The following EBF1 variants were observed in gnomAD, a reference collection of about 807,000 sequenced individuals.
EBF1 encodes the protein EBF transcription factor 1.
EBF1 carries 10 observed loss-of-function variants against 68.4 expected under a neutral mutation model. That is an observed-to-expected ratio of 0.15 (90% CI 0.09 to 0.25). EBF1 has a LOEUF of 0.25. Among genes scored for constraint, EBF1 ranks in the 10% least tolerant of loss-of-function variants. EBF1 has a pLI of 1.00. For missense variants in EBF1, 509 were observed against 794.4 expected, an observed-to-expected ratio of 0.64 and a Z score of 4.32; for synonymous variants, 298 against 299.8, an observed-to-expected ratio of 0.99 and a Z score of 0.06.
intron 6 of EBF1, among the ~76,000 whole-genome samples, chr5:159,012,421 A>G (rs1270031411): frequency 6.6e-6 from 1 of 152,148 alleles, no homozygotes; most frequent in Non-Finnish European, 1.5e-5. Flanking sequence ...ATTCCACTCC[A>G]AAATTCATAT....
At chr5:158,996,287 C>T (rs1761397859) in intron 6 of EBF1, among the ~76,000 whole-genome samples, 1 of 152,166 alleles carries the variant, frequency 6.6e-6, no homozygotes, top group Admixed American at 6.5e-5. Flanking sequence ...TTATAAATAA[C>T]TTGTAAGCAT....
intron 6 of EBF1, among the ~76,000 whole-genome samples, chr5:158,997,760 G>C (rs901796673): frequency 6.6e-6 from 1 of 152,150 alleles, no homozygotes; most frequent in Non-Finnish European, 1.5e-5. Context: ...AAAGGAAGAA[G>C]TCCAAGCCTC....
At chr5:158,736,667 G>C (rs896062299) in intron 10 of EBF1, among the ~76,000 whole-genome samples, 3 of 152,142 alleles carry the variant, frequency 2.0e-5, no homozygotes, top group Non-Finnish European at 4.4e-5. Context: ...TGAACTAAAG[G>C]AGTAACAGCA....
chr5:159,086,448 G>A (rs949719665), intron 4 of EBF1, among the ~76,000 whole-genome samples: 4 of 152,036 alleles, frequency 2.6e-5, no homozygotes, highest in Non-Finnish European at 5.9e-5. Context: ...CAGTTATCAC[G>A]TCTCCTTTAA....
intron 10 of EBF1, among the ~76,000 whole-genome samples, chr5:158,762,111 A>G (rs1771601681): frequency 6.6e-6 from 1 of 152,190 alleles, no homozygotes; most frequent in African/African-American, 2.4e-5. Flanking sequence ...CCCCATTTAC[A>G]TACATATTAT....
chr5:159,084,118 A>G (rs1318716070), intron 5 of EBF1, among the ~76,000 whole-genome samples: 1 of 152,136 alleles, frequency 6.6e-6, no homozygotes, highest in Non-Finnish European at 1.5e-5. Flanking sequence ...AGTATTGGCT[A>G]CATTGTCAGA....
chr5:159,041,901 C>T (rs987978715), intron 6 of EBF1, among the ~76,000 whole-genome samples: 15 of 152,098 alleles, frequency 9.9e-5, no homozygotes, highest in Admixed American at 2.6e-4. Flanking sequence ...AAGGCCATGA[C>T]GAGATTTAAC....
intron 4 of EBF1, among the ~76,000 whole-genome samples, chr5:159,093,622 AT>A (rs1458427466): frequency 6.6e-6 from 1 of 152,092 alleles, no homozygotes; most frequent in Non-Finnish European, 1.5e-5. Flanking sequence ...GTAAAATGAT[AT>A]TTGATGTATT....
At chr5:159,039,535 T>C (rs1442708786) in intron 6 of EBF1, among the ~76,000 whole-genome samples, 1 of 152,240 alleles carries the variant, frequency 6.6e-6, no homozygotes, top group South Asian at 2.1e-4. Flanking sequence ...AAATATTACA[T>C]TATACTTTAT....
At chr5:159,075,020 C>G (rs1450114528) in intron 5 of EBF1, among the ~76,000 whole-genome samples, 4 of 152,110 alleles carry the variant, frequency 2.6e-5, no homozygotes, top group East Asian at 1.9e-4. Context: ...ACTCTGATCC[C>G]CTATACCTAC....
intron 6 of EBF1, among the ~76,000 whole-genome samples, chr5:158,925,447 T>A (rs955577678): frequency 6.6e-6 from 1 of 152,252 alleles, no homozygotes. Context: ...GCCTCCCTTG[T>A]GGCCATGTGA....
At chr5:159,042,401 T>C (rs1771386880) in intron 6 of EBF1, among the ~76,000 whole-genome samples, 1 of 152,228 alleles carries the variant, frequency 6.6e-6, no homozygotes, top group South Asian at 2.1e-4. Context: ...GAAGCCAGCC[T>C]TTCTCTTGCA....
chr5:158,706,127 C>T (rs1757803944), intron 15 of EBF1, among the ~76,000 whole-genome samples: 2 of 151,166 alleles, frequency 1.3e-5, no homozygotes, highest in African/African-American at 4.9e-5. Flanking sequence ...GGTGGCTCTA[C>T]TTTGTGGAGG....
At chr5:159,077,994 C>T (rs1468141144) in intron 5 of EBF1, among the ~76,000 whole-genome samples, 1 of 152,046 alleles carries the variant, frequency 6.6e-6, no homozygotes, top group African/African-American at 2.4e-5. Flanking sequence ...CCCAGCTCGA[C>T]CTCCCAAAGT....
At chr5:159,081,861 G>T (rs543054774) in intron 5 of EBF1, among the ~76,000 whole-genome samples, 1 of 152,116 alleles carries the variant, frequency 6.6e-6, no homozygotes, top group African/African-American at 2.4e-5. Context: ...TTTTAAGAGC[G>T]TAGCCAACAG....
At chr5:158,906,533 G>A (rs542338666) in intron 6 of EBF1, among the ~76,000 whole-genome samples, 3 of 152,306 alleles carry the variant, frequency 2.0e-5, no homozygotes, top group African/African-American at 7.2e-5. Flanking sequence ...AGGGGAGGAG[G>A]AGGAATAGCT....
chr5:159,057,562 G>C (rs1371826654), intron 6 of EBF1, among the ~76,000 whole-genome samples: 1 of 152,228 alleles, frequency 6.6e-6, no homozygotes, highest in Admixed American at 6.5e-5. Context: ...AGGTGAAATG[G>C]AGAGCAGAGC....
At chr5:158,869,444 C>T (rs1422475569) in intron 6 of EBF1, among the ~76,000 whole-genome samples, 4 of 152,064 alleles carry the variant, frequency 2.6e-5, no homozygotes, top group Non-Finnish European at 5.9e-5. Flanking sequence ...GAGGGAATAC[C>T]CGCCCCCGAC....
intron 7 of EBF1, among the ~76,000 whole-genome samples, chr5:158,838,948 G>A (rs1285921479): frequency 1.3e-5 from 2 of 152,104 alleles, no homozygotes; most frequent in African/African-American, 2.4e-5. Flanking sequence ...AAGTGTGGGC[G>A]GTGGCCTTGG....
Sources: gnomAD v4.1 joint callset for allele counts (sites outside exome capture counted in the v4.1 genomes callset) on GRCh38, gnomAD v4.1.1 for gene constraint, MANE v1.5 for transcripts, NCBI Gene and HGNC (gene_info 2026-07-23, HGNC 2026-07-21) for gene names.